The following DBT variants were observed in gnomAD, a reference collection of about 807,000 sequenced individuals.
The protein encoded by DBT is dihydrolipoamide branched chain transacylase E2.
In DBT, 40 loss-of-function variants were observed where a neutral mutation model predicts 51.3. The observed-to-expected ratio is 0.78, with a 90% CI of 0.61 to 1.02. The LOEUF (loss-of-function observed/expected upper bound fraction) is 1.02, where lower values mean the gene tolerates loss of function less well. DBT is among the 50% of genes least tolerant of loss of function. The probability of loss-of-function intolerance (pLI) is 0.00; values close to 1 mark genes in which losing one functional copy is unlikely to be tolerated. For synonymous variants in DBT, 181 were observed against 190.4 expected (o/e 0.95, Z 0.41); for missense variants, 510 against 580.2 (o/e 0.88, Z 1.24).
intron 2 of DBT, among the ~76,000 whole-genome samples, chr1:100,237,081 T>A (rs1663908510): frequency 6.6e-6 from 1 of 152,144 alleles, no homozygotes; most frequent in Non-Finnish European, 1.5e-5. Context: ...CTTTGACAAA[T>A]AGAATATAAC....
In DBT at chr1:100,192,983, T is replaced by C. The variant is rs2101818318; in HGVS notation, c.*3272A>G. 1 of 152,460 alleles carries C rather than the reference T, an allele frequency of 6.6e-6. No homozygotes were observed. Among genetic ancestry groups the C allele is most frequent in the South Asian group, 2.1e-4 (1 of 4,828 alleles). The allele number at this position is 152,460 out of a possible 1,614,324, so 9.4% of individuals were successfully genotyped here. On this transcript the variant is annotated 3_prime_UTR_variant, in exon 11 of 11. Transcript: ENST00000370132. ...TCCTCCCAAACACCCATCCCTTGCT[T>C]TGTAGAGCCTCATGGACCAGCACTG...
intron 2 of DBT, among the ~76,000 whole-genome samples, chr1:100,236,712 A>G (rs777752060): frequency 2.6e-5 from 4 of 152,206 alleles, no homozygotes; most frequent in Non-Finnish European, 4.4e-5. Flanking sequence ...TTGCTAAAAA[A>G]TGGTTACTAT....
In DBT at chr1:100,213,411, C is replaced by T. The variant is rs1048777822; in HGVS notation, c.939+1406G>A. On this transcript the variant is annotated intron_variant, in intron 7 of 10. Coordinates refer to ENST00000370132, the MANE Select transcript of DBT (RefSeq NM_001918.5). ...GCCATCCCCGCCGCGCCCCCGCAGC[C>T]GCCCTACTCCTACCTCGTCACACGG... is the stretch of plus-strand genomic sequence containing the variant. 21 of 1,578,160 alleles carry T rather than the reference C, an allele frequency of 1.3e-5. No individual in the cohort carries two copies. In the Admixed American group the frequency reaches 2.7e-4, roughly 20 times the overall value.
At position 100,189,887 on chromosome 1, in the gene DBT, A is replaced by G. The variant is rs1349563515; in HGVS notation, c.*6368T>C. 1 of 152,198 alleles carries G rather than the reference A, an allele frequency of 6.6e-6. No homozygotes were observed. Among genetic ancestry groups the G allele is most frequent in the African/African-American group, 2.4e-5 (1 of 41,448 alleles). The allele number at this position is 152,198 out of a possible 1,614,324, so 9.4% of individuals were successfully genotyped here. On this transcript the variant is annotated 3_prime_UTR_variant, in exon 11 of 11. Transcript: ENST00000370132. The stretch of plus-strand genomic sequence containing the variant: ...TAGAATTTTCTGTGATGATGGAAAC[A>G]GTCTACATCTGTGCTATCTGGTATG...
chr1:100,243,115 A>C (rs1664317483), intron 1 of DBT, among the ~76,000 whole-genome samples: 2 of 151,428 alleles, frequency 1.3e-5, no homozygotes, highest in African/African-American at 4.9e-5. Context: ...AAAATACAAA[A>C]ATCAGCTGGA....
intron 7 of DBT, among the ~76,000 whole-genome samples, chr1:100,211,743 C>T (rs1480434249): frequency 2.0e-5 from 3 of 152,206 alleles, no homozygotes; most frequent in South Asian, 2.1e-4. Flanking sequence ...AGAACTGCTA[C>T]GAGTTCCTTA....
intron 5 of DBT, 26 bp from the exon 6 acceptor site, chr1:100,216,225 A>G: frequency 6.7e-7 from 1 of 1,485,844 alleles, no homozygotes. Flanking sequence ...TTTTAATGCC[A>G]AAAATACAAC....
At chr1:100,212,821 G>A (rs183714079) in intron 7 of DBT, among the ~76,000 whole-genome samples, 1 of 152,312 alleles carries the variant, frequency 6.6e-6, no homozygotes, top group East Asian at 1.9e-4. Flanking sequence ...ACCTTAATAT[G>A]AGGGAGTGAG....
At chr1:100,206,351 A>T in intron 9 of DBT, 50 bp from the exon 10 acceptor site, 2 of 1,577,070 alleles carry the variant, frequency 1.3e-6, no homozygotes, top group Non-Finnish European at 1.7e-6. Context: ...AAGATTTTTC[A>T]GGGAACAAAT....
At chr1:100,243,382 T>A (rs1664343123) in intron 1 of DBT, among the ~76,000 whole-genome samples, 1 of 151,096 alleles carries the variant, frequency 6.6e-6, no homozygotes, top group Admixed American at 6.6e-5. Context: ...TGGCACGATC[T>A]CAGCTTACTG....
intron 7 of DBT, among the ~76,000 whole-genome samples, chr1:100,212,034 A>T (rs1662175568): frequency 6.6e-6 from 1 of 152,176 alleles, no homozygotes; most frequent in South Asian, 2.1e-4. Flanking sequence ...GGCCTCCTAA[A>T]GTGTTGGGAT....
Position 100,240,756 on chromosome 1 carries a change from C to T in DBT, c.175+5G>A, listed in dbSNP as rs748392490. On this transcript the variant is annotated splice_donor_5th_base_variant and intron_variant, in intron 2 of 10. Coordinates refer to ENST00000370132, the MANE Select transcript of DBT (RefSeq NM_001918.5). ...TTATACACGTTATTTTGAAATCATACTTACCAGCAGTTGTTTTCAGGAAGT... is the reference window on the plus strand; with the variant it reads ...TTATACACGTTATTTTGAAATCATATTTACCAGCAGTTGTTTTCAGGAAGT... The T allele has an allele frequency of 2.5e-6, 4 of 1,592,290 alleles. No individual in the cohort carries two copies. Among genetic ancestry groups the T allele is most frequent in the South Asian group, 1.1e-5 (1 of 90,552 alleles).
At chr1:100,226,302 T>C (rs1477989148) in intron 4 of DBT, among the ~76,000 whole-genome samples, 2 of 88,120 alleles carry the variant, frequency 2.3e-5, no homozygotes, top group African/African-American at 7.2e-5. Context: ...TTTTTTTTTT[T>C]TGAGACAGGG....
At chr1:100,203,576 G>C (rs1661577192) in intron 10 of DBT, among the ~76,000 whole-genome samples, 1 of 152,172 alleles carries the variant, frequency 6.6e-6, no homozygotes. Context: ...CAGAAAAAAA[G>C]GGAATCCTCC....
Position 100,196,332 on chromosome 1 carries a change from C to G in DBT, c.1372G>C (p.Ala458Pro), listed in dbSNP as rs763881630. 1 of 1,597,390 alleles carries G rather than the reference C, an allele frequency of 6.3e-7. No homozygotes were observed. The highest frequency in any genetic ancestry group is 1.7e-5 in the Admixed American group (1 of 57,948). ...WSADHRVIDG[A>P]TMSRFSNLWK... The stretch of plus-strand genomic sequence containing the variant: ...AAATTGGAGAAGCGTGACATTGTAG[C>G]ACCATCAATAACTCTGTGATCAGCT... Residue 458 changes from alanine (A) to proline (P), a missense_variant, in exon 11 of 11, where the codon GCT becomes CCT. Ala to Pro is a conservative substitution (Grantham distance 27). Coordinates refer to ENST00000370132, the MANE Select transcript of DBT (RefSeq NM_001918.5).
At chr1:100,213,964 A>C (rs933624606) in intron 7 of DBT, among the ~76,000 whole-genome samples, 4 of 135,788 alleles carry the variant, frequency 2.9e-5, no homozygotes, top group African/African-American at 1.1e-4. Context: ...AAAAAAAAAA[A>C]AAAGAGAGAG....
intron 10 of DBT, among the ~76,000 whole-genome samples, chr1:100,200,129 C>T (rs372724133): frequency 8.5e-5 from 13 of 152,216 alleles, no homozygotes; most frequent in African/African-American, 2.9e-4. Context: ...TCCAACCCCA[C>T]GGAGCCCAGC....
intron 4 of DBT, among the ~76,000 whole-genome samples, chr1:100,226,569 G>C (rs1663230213): frequency 6.6e-6 from 1 of 152,134 alleles, no homozygotes; most frequent in Non-Finnish European, 1.5e-5. Context: ...ACTGGCGTGA[G>C]CCACTGTGCC....
chr1:100,215,559 G>A (rs1435781851), intron 6 of DBT, among the ~76,000 whole-genome samples: 1 of 152,132 alleles, frequency 6.6e-6, no homozygotes, highest in Admixed American at 6.5e-5. Flanking sequence ...AGTGGCTCAC[G>A]CCTGTAATCC....
Sources: gnomAD v4.1 joint callset for allele counts (sites outside exome capture counted in the v4.1 genomes callset) on GRCh38, gnomAD v4.1.1 for gene constraint, MANE v1.5 for transcripts, NCBI Gene and HGNC (gene_info 2026-07-23, HGNC 2026-07-21) for gene names.